Variants in TSPAN6 observed in about 807,000 individuals in gnomAD.
TSPAN6 encodes the protein tetraspanin-6.
In TSPAN6, 13 loss-of-function variants were observed where a neutral mutation model predicts 18.0. The ratio of observed to expected loss-of-function variants is 0.72; its 90% CI spans 0.47 to 1.15. The LOEUF (loss-of-function observed/expected upper bound fraction) is 1.15, where lower values mean the gene tolerates loss of function less well. Ranked by LOEUF, TSPAN6 falls within the 50% of genes most tolerant of loss-of-function variation. The pLI, the probability that TSPAN6 is intolerant of heterozygous loss-of-function variation, is 0.00. For missense variants in TSPAN6, 186 were observed against 183.9 expected, an observed-to-expected ratio of 1.01 and a Z score of -0.07; for synonymous variants, 82 against 67.0, an observed-to-expected ratio of 1.22 and a Z score of -1.09.
At position 100,627,486 on chromosome X, in the gene TSPAN6, G is replaced by A. The variant is rs1489371745; in HGVS notation, c.*2540C>T. The A allele has an allele frequency of 8.9e-6, 1 of 111,893 alleles. No individual in the cohort carries two copies. The highest frequency in any genetic ancestry group is 1.9e-5 in the Non-Finnish European group (1 of 53,193). The allele number at this position is 111,893 out of a possible 1,213,427, so 9.2% of individuals were successfully genotyped here. Reference sequence around the variant, plus strand: ...ATGAGCAGACCTACTGCCTCCAGTGGAAACTGGATCTCTCTCTCCAATCTA... The same window carrying A: ...ATGAGCAGACCTACTGCCTCCAGTGAAAACTGGATCTCTCTCTCCAATCTA... On this transcript the variant is annotated 3_prime_UTR_variant, in exon 8 of 8. Coordinates refer to ENST00000373020, the MANE Select transcript of TSPAN6 (RefSeq NM_003270.4).
chrX:100,632,350 G>A, intron 6 of TSPAN6, 135 bp downstream of exon 6: 1 of 485,864 alleles, frequency 2.1e-6, no homozygotes, highest in Non-Finnish European at 3.6e-6. Flanking sequence ...GAGGTTGCAG[G>A]GAGCTGAGAT....
intron 5 of TSPAN6, 114 bp from the exon 6 acceptor site, chrX:100,632,682 A>G: frequency 2.0e-6 from 1 of 500,803 alleles, no homozygotes; most frequent in Non-Finnish European, 3.4e-6. Context: ...TTATGGTAAT[A>G]AATACTTTGA....
chrX:100,636,843 G>GT, upstream of TSPAN6: 1 of 588,455 alleles, frequency 1.7e-6, no homozygotes, highest in Non-Finnish European at 2.4e-6. Context: ...TTTGTAGAGG[G>GT]TAAAGTATGG....
Position 100,632,478 on chromosome X carries a change from AACTT to A in TSPAN6, c.669+3_669+6del. 8.4e-7 allele frequency: 1 copy of A among 1,191,348 alleles called. No homozygotes were observed. The highest frequency in any genetic ancestry group is 1.8e-5 in the South Asian group (1 of 56,070). On this transcript the variant is annotated splice_donor_5th_base_variant and intron_variant, in intron 6 of 7. Transcript: ENST00000373020. ...GAAATATTTCCTAAGTAACTACAAA[AACTT>A]ACTTGGAAGCAAGCAACTCCAAAGG...
At chrX:100,631,536 G>A (rs976201159) in intron 6 of TSPAN6, among the ~76,000 whole-genome samples, 48 of 111,721 alleles carry the variant, frequency 4.3e-4, no homozygotes, top group African/African-American at 1.5e-3. Context: ...ATGCTACAGT[G>A]GGAAACACAA....
At chrX:100,633,324 A>T (rs2083072932) in intron 5 of TSPAN6, 81 bp downstream of exon 5, 1 of 1,066,278 alleles carries the variant, frequency 9.4e-7, no homozygotes, top group Non-Finnish European at 1.3e-6. Flanking sequence ...ATCTCAAAAA[A>T]AAAATTAAAA....
At chrX:100,630,913 T>G in intron 6 of TSPAN6, 47 bp from the exon 7 acceptor site, 1 of 955,613 alleles carries the variant, frequency 1.0e-6, no homozygotes. Flanking sequence ...CAAAAGAACT[T>G]GAACACCTCA....
rs1204415317 is a variant in TSPAN6, at chrX:100,632,575, G to A, written c.586-7C>T. 4 of 1,165,548 alleles carry A rather than the reference G, an allele frequency of 3.4e-6. No individual in the cohort carries two copies. Among genetic ancestry groups the A allele is most frequent in the Non-Finnish European group, 4.7e-6 (4 of 859,532 alleles). On this transcript the variant is annotated splice_region_variant and splice_polypyrimidine_tract_variant and intron_variant, in intron 5 of 7. Coordinates refer to ENST00000373020, the MANE Select transcript of TSPAN6 (RefSeq NM_003270.4). ...TCACCTTTATAAAACAACCCTAATG[G>A]GAGGAAAAAAACAAAGATTAAATAC...
chrX:100,630,695 C>A (rs2083053061), intron 7 of TSPAN6, 64 bp downstream of exon 7: 1 of 807,621 alleles, frequency 1.2e-6, no homozygotes, highest in East Asian at 3.4e-5. Context: ...TTAGTCCATG[C>A]ATCACATACA....
chrX:100,630,693 T>C, intron 7 of TSPAN6, 66 bp downstream of exon 7: 2 of 800,595 alleles, frequency 2.5e-6, no homozygotes, highest in African/African-American at 4.2e-5. Flanking sequence ...ACTTAGTCCA[T>C]GCATCACATA....
chrX:100,631,834 G>C (rs1007823230), intron 6 of TSPAN6, among the ~76,000 whole-genome samples: 2 of 111,083 alleles, frequency 1.8e-5, no homozygotes, highest in Admixed American at 1.9e-4. Context: ...CAAAAGATAT[G>C]CACTGCTACA....
intron 5 of TSPAN6, among the ~76,000 whole-genome samples, chrX:100,633,020 T>C (rs1349128347): frequency 8.9e-6 from 1 of 112,108 alleles, no homozygotes; most frequent in Non-Finnish European, 1.9e-5. Flanking sequence ...TCAGCTTATA[T>C]TTAAAAATTA....
chrX:100,628,482 G>A lies in TSPAN6; in HGVS notation c.*1544C>T, dbSNP rs1434478588. 3.6e-5 allele frequency: 4 copies of A among 111,690 alleles called. No individual in the cohort carries two copies. Among genetic ancestry groups the A allele is most frequent in the African/African-American group, 1.3e-4 (4 of 30,730 alleles). 9.2% of individuals were successfully genotyped at this position (111,690 alleles called of 1,213,427 possible). On this transcript the variant is annotated 3_prime_UTR_variant, in exon 8 of 8. Transcript: ENST00000373020. ...ATCAATTCAAGGACTGTGGCAATCA[G>A]ACTAGACAGGTTCTACTAATGGATG...
At chrX:100,634,413 AG>A (rs898668049) in intron 3 of TSPAN6, among the ~76,000 whole-genome samples, 5 of 111,836 alleles carry the variant, frequency 4.5e-5, no homozygotes, top group Non-Finnish European at 9.4e-5. Flanking sequence ...CCACTTTATG[AG>A]AACTCTCATT....
Position 100,636,746 on chromosome X carries a change from C to G in TSPAN6, c.-52G>C. ...CACCGGGCGATTGGAACACAGAGAG[C>G]GAGACGCGGAGTCCCCGAGTCTCCC... On this transcript the variant is annotated 5_prime_UTR_variant, in exon 1 of 8. Coordinates refer to ENST00000373020, the MANE Select transcript of TSPAN6 (RefSeq NM_003270.4). The G allele has an allele frequency of 8.8e-7, 1 of 1,139,581 alleles. No homozygotes were observed. The highest frequency in any genetic ancestry group is 2.7e-5 in the Admixed American group (1 of 36,772). The allele number at this position is 1,139,581 out of a possible 1,213,427, so 93.9% of individuals were successfully genotyped here. A position where few individuals can be genotyped will look rare whatever the true frequency, so the allele number is the denominator to read the frequency against.
Position 100,634,021 on chromosome X carries a change from G to A in TSPAN6, c.360C>T (p.Asn120=). The change falls in exon 4 of 8, where the codon AAC becomes AAT. Residue 120 remains asparagine (N), a synonymous_variant. Transcript: ENST00000373020. ...CCTTCTCATAATTATTCTTAAAGCT[G>A]TTCTTAATCTATAGCAAAGAAACAC... ...VGFVFRHEIK[N]SFKNNYEKAL... is the part of the protein sequence containing the mutation. 1.7e-6 allele frequency: 2 copies of A among 1,178,023 alleles called. No individual in the cohort carries two copies. The highest frequency in any genetic ancestry group is 1.8e-5 in the South Asian group (1 of 55,338).
Position 100,635,431 on chromosome X carries a change from C to G in TSPAN6, c.276+127G>C, listed in dbSNP as rs111334918. On this transcript the variant is annotated intron_variant, in intron 2 of 7. Transcript: ENST00000373020. ...GTGGAAACTGGCAGCTGAACTGTTA[C>G]TTGATAAGTTTCCATAAGGAACAGG... 2.5e-3 allele frequency: 1,799 copies of G among 711,233 alleles called. 15 individuals carry two copies. The African/African-American group carries it at 0.036, about 14-fold the overall frequency. 58.6% of individuals were successfully genotyped at this position (711,233 alleles called of 1,213,427 possible).
chrX:100,627,739 T>C lies in TSPAN6; in HGVS notation c.*2287A>G, dbSNP rs2083033519. The C allele has an allele frequency of 8.9e-6, 1 of 111,838 alleles. No individual in the cohort carries two copies. The highest frequency in any genetic ancestry group is 3.2e-5 in the African/African-American group (1 of 30,812). 9.2% of individuals were successfully genotyped at this position (111,838 alleles called of 1,213,427 possible). ...AAACCAATCCACCTGACGAGTGATG[T>C]GTGGTGTTTTTCCTCTTTCTACATT... On this transcript the variant is annotated 3_prime_UTR_variant, in exon 8 of 8. Transcript: ENST00000373020.
At position 100,636,743 on chromosome X, in the gene TSPAN6, G is replaced by C; in HGVS notation, c.-49C>G. On this transcript the variant is annotated 5_prime_UTR_variant, in exon 1 of 8. Coordinates refer to ENST00000373020, the MANE Select transcript of TSPAN6 (RefSeq NM_003270.4). Reference sequence around the variant, plus strand: ...CCGCACCGGGCGATTGGAACACAGAGAGCGAGACGCGGAGTCCCCGAGTCT... The same window carrying C: ...CCGCACCGGGCGATTGGAACACAGACAGCGAGACGCGGAGTCCCCGAGTCT... 2 of 1,147,701 alleles carry C rather than the reference G, an allele frequency of 1.7e-6. No individual in the cohort carries two copies. The highest frequency in any genetic ancestry group is 2.3e-6 in the Non-Finnish European group (2 of 862,398). 94.6% of individuals were successfully genotyped at this position (1,147,701 alleles called of 1,213,427 possible). A position where few individuals can be genotyped will look rare whatever the true frequency, so the allele number is the denominator to read the frequency against.
Sources: allele counts gnomAD v4.1 joint callset (sites outside exome capture counted in the v4.1 genomes callset), GRCh38; gene constraint gnomAD v4.1.1; transcripts MANE v1.5; gene names NCBI Gene and HGNC (gene_info 2026-07-23, HGNC 2026-07-21).